Variants in SEMA5A observed in about 807,000 individuals in gnomAD.
SEMA5A encodes the protein semaphorin 5A, also known as semaphorin-5A.
Under a neutral mutation model 135.5 loss-of-function variants are expected in SEMA5A, and 55 were observed. That is an observed-to-expected ratio of 0.41 (90% CI 0.33 to 0.51). The LOEUF is 0.51. Among genes scored for constraint, SEMA5A ranks in the 20% least tolerant of loss-of-function variants. The pLI is 0.37. For missense variants in SEMA5A, 1,290 were observed against 1,419.9 expected (o/e 0.91, Z 1.47); for synonymous variants, 580 against 546.5 (o/e 1.06, Z -0.85).
At chr5:9,184,144 T>C (rs551472847) in intron 11 of SEMA5A, among the ~76,000 whole-genome samples, 1 of 152,226 alleles carries the variant, frequency 6.6e-6, no homozygotes, top group Admixed American at 6.5e-5. Context: ...CTTGGATGAG[T>C]ATAACATGCT....
intron 3 of SEMA5A, among the ~76,000 whole-genome samples, chr5:9,370,364 G>A (rs571560275): frequency 1.4e-4 from 22 of 152,272 alleles, no homozygotes; most frequent in South Asian, 1.2e-3. Flanking sequence ...GTGTTACCCC[G>A]ACTTTTTACA....
intron 5 of SEMA5A, among the ~76,000 whole-genome samples, chr5:9,269,005 G>A (rs553766181): frequency 6.6e-6 from 1 of 152,188 alleles, no homozygotes; most frequent in South Asian, 2.1e-4. Flanking sequence ...GGATGCTAAG[G>A]ACAAAACACA....
intron 11 of SEMA5A, among the ~76,000 whole-genome samples, chr5:9,155,841 A>C (rs1742925112): frequency 1.3e-5 from 2 of 152,250 alleles, no homozygotes; most frequent in Non-Finnish European, 2.9e-5. Context: ...ATACATAAGC[A>C]GACATGTTTT....
At chr5:9,396,246 GCACA>G (rs147262677) in intron 2 of SEMA5A, among the ~76,000 whole-genome samples, 22,427 of 148,862 alleles carry the variant, frequency 0.15, 1,864 homozygotes, top group South Asian at 0.23. Flanking sequence ...GCGCGTGCGT[GCACA>G]CACACACACA....
At chr5:9,544,967 T>A (rs1328903408) in intron 1 of SEMA5A, among the ~76,000 whole-genome samples, 1 of 152,154 alleles carries the variant, frequency 6.6e-6, no homozygotes, top group Admixed American at 6.5e-5. Flanking sequence ...GAGGGATGCC[T>A]GGTGAAAGGG....
chr5:9,437,141 A>G (rs1311098025), intron 2 of SEMA5A, among the ~76,000 whole-genome samples: 3 of 152,212 alleles, frequency 2.0e-5, no homozygotes, highest in Non-Finnish European at 4.4e-5. Context: ...AAGTGGGGGC[A>G]GCGCACAGAG....
intron 16 of SEMA5A, among the ~76,000 whole-genome samples, chr5:9,107,219 C>T (rs1187555707): frequency 6.6e-6 from 1 of 152,156 alleles, no homozygotes; most frequent in South Asian, 2.1e-4. Context: ...CAGCCAGCAC[C>T]AGAGGCAGGT....
At chr5:9,324,283 T>C (rs553149682) in intron 4 of SEMA5A, among the ~76,000 whole-genome samples, 1 of 151,766 alleles carries the variant, frequency 6.6e-6, no homozygotes, top group South Asian at 2.1e-4. Flanking sequence ...TTAGCCAGGA[T>C]GGTCTCTATC....
intron 12 of SEMA5A, among the ~76,000 whole-genome samples, chr5:9,141,634 A>G (rs1168745705): frequency 1.3e-5 from 2 of 152,206 alleles, no homozygotes; most frequent in Non-Finnish European, 2.9e-5. Flanking sequence ...CCTTAATTCT[A>G]AAAAGCAGGA....
At chr5:9,295,281 G>A (rs1488945495) in intron 5 of SEMA5A, among the ~76,000 whole-genome samples, 1 of 152,178 alleles carries the variant, frequency 6.6e-6, no homozygotes, top group Non-Finnish European at 1.5e-5. Flanking sequence ...GAACTCCTGT[G>A]CTCAAAAGAC....
At chr5:9,256,104 A>G (rs778566264) in intron 5 of SEMA5A, among the ~76,000 whole-genome samples, 2 of 152,170 alleles carry the variant, frequency 1.3e-5, no homozygotes, top group East Asian at 1.9e-4. Context: ...TTCTAATGCA[A>G]TTTCCTAATG....
rs922453855 is a variant in SEMA5A at position 9,037,214 on chromosome 5, G to T, written c.*5683C>A. The stretch of plus-strand genomic sequence containing the variant: ...GTGCCCTTGACTAGTTCCTGCCATT[G>T]CGCCAACACTGTAAAACATGTTTGC... On this transcript the variant is annotated 3_prime_UTR_variant, in exon 23 of 23. Coordinates refer to ENST00000382496, the MANE Select transcript of SEMA5A (RefSeq NM_003966.3). 1 of 152,202 alleles carries T rather than the reference G, an allele frequency of 6.6e-6. No individual in the cohort carries two copies. The allele number at this position is 152,202 out of a possible 1,614,324, so 9.4% of individuals were successfully genotyped here. A position where few individuals can be genotyped will look rare whatever the true frequency, so the allele number is the denominator to read the frequency against.
intron 8 of SEMA5A, among the ~76,000 whole-genome samples, chr5:9,216,954 TA>T (rs533845933): frequency 1.0e-3 from 157 of 152,312 alleles, no homozygotes; most frequent in African/African-American, 3.6e-3. Context: ...CTGTGCCCTT[TA>T]AGGGGAGCAT....
chr5:9,293,157 C>T (rs984011428), intron 5 of SEMA5A, among the ~76,000 whole-genome samples: 4 of 152,060 alleles, frequency 2.6e-5, no homozygotes, highest in African/African-American at 9.7e-5. Context: ...CTTATCTTGT[C>T]AACTGGAACG....
chr5:9,441,640 C>T (rs1579546000), intron 1 of SEMA5A, among the ~76,000 whole-genome samples: 1 of 152,140 alleles, frequency 6.6e-6, no homozygotes, highest in Admixed American at 6.5e-5. Context: ...GCCTCATGCT[C>T]AAGTCCCTGG....
intron 16 of SEMA5A, among the ~76,000 whole-genome samples, chr5:9,090,989 G>T (rs1041535788): frequency 6.6e-6 from 1 of 152,184 alleles, no homozygotes; most frequent in African/African-American, 2.4e-5. Flanking sequence ...GAGGCCTGTT[G>T]TAAGTAGTTA....
At chr5:9,105,101 C>A (rs985669336) in intron 16 of SEMA5A, among the ~76,000 whole-genome samples, 1 of 152,190 alleles carries the variant, frequency 6.6e-6, no homozygotes, top group Admixed American at 6.5e-5. Context: ...AGCACAAGAT[C>A]CAGGTCCTCC....
chr5:9,513,064 AT>A (rs1234646485), intron 1 of SEMA5A, among the ~76,000 whole-genome samples: 4 of 95,564 alleles, frequency 4.2e-5, no homozygotes, highest in East Asian at 4.1e-4. Flanking sequence ...AAATATATAT[AT>A]ATAATATATA....
At position 9,345,579 on chromosome 5, in the gene SEMA5A, T is replaced by C. The variant is rs141552983; in HGVS notation, c.125-7767A>G. 7.1e-3 allele frequency among the ~76,000 whole-genome samples: 1,062 copies of C among 149,954 alleles called. 17 individuals carry two copies. The highest frequency in any genetic ancestry group is 0.052 in the East Asian group (266 of 5,096). Reference sequence around the variant, plus strand: ...AGGCTGACCACATTATCTGAGCACATGAAAATTTCTAAATGATAGTATTTT... The same window carrying C: ...AGGCTGACCACATTATCTGAGCACACGAAAATTTCTAAATGATAGTATTTT... On this transcript the variant is annotated intron_variant, in intron 3 of 22. Coordinates refer to ENST00000382496, the MANE Select transcript of SEMA5A (RefSeq NM_003966.3).
Sources: gnomAD v4.1 joint callset for allele counts (sites outside exome capture counted in the v4.1 genomes callset) on GRCh38, gnomAD v4.1.1 for gene constraint, MANE v1.5 for transcripts, NCBI Gene and HGNC (gene_info 2026-07-23, HGNC 2026-07-21) for gene names.